CACNB2: variants seen among roughly 807,000 people sequenced by gnomAD.
The protein encoded by CACNB2 is calcium voltage-gated channel auxiliary subunit beta 2.
A neutral mutation model predicts 73.3 loss-of-function variants in CACNB2; 42 were observed. The ratio of observed to expected loss-of-function variants is 0.57; its 90% CI spans 0.45 to 0.74. The LOEUF is 0.74. Among genes scored for constraint, CACNB2 ranks in the 30% least tolerant of loss-of-function variants. The pLI is 0.00. For synonymous variants in CACNB2, 348 were observed against 310.3 expected (o/e 1.12, Z -1.28); for missense variants, 940 against 853.0 (o/e 1.10, Z -1.27).
chr10:18,233,030 A>C (rs2036282680), intron 2 of CACNB2, among the ~76,000 whole-genome samples: 1 of 152,192 alleles, frequency 6.6e-6, no homozygotes, highest in African/African-American at 2.4e-5. Flanking sequence ...GGCTGCAGTG[A>C]ACCATGATCG....
intron 2 of CACNB2, among the ~76,000 whole-genome samples, chr10:18,164,708 C>T (rs1457382736): frequency 3.3e-5 from 5 of 151,636 alleles, no homozygotes; most frequent in Admixed American, 1.3e-4. Flanking sequence ...TGTTTCAGCC[C>T]GGACATCTGT....
chr10:18,188,733 G>A (rs1302298992), intron 2 of CACNB2, among the ~76,000 whole-genome samples: 1 of 152,128 alleles, frequency 6.6e-6, no homozygotes, highest in Non-Finnish European at 1.5e-5. Context: ...TCTCGTTATA[G>A]CACATGGAAG....
intron 2 of CACNB2, among the ~76,000 whole-genome samples, chr10:18,170,857 A>C (rs2033172885): frequency 6.6e-6 from 1 of 152,244 alleles, no homozygotes; most frequent in African/African-American, 2.4e-5. Flanking sequence ...AAATTTAATA[A>C]CATGTTTGGG....
intron 3 of CACNB2, among the ~76,000 whole-genome samples, chr10:18,469,996 C>A (rs777978691): frequency 6.6e-6 from 1 of 152,052 alleles, no homozygotes; most frequent in Non-Finnish European, 1.5e-5. Flanking sequence ...TAATTATACT[C>A]ATATTTTTTC....
At chr10:18,462,950 G>T (rs1387040891) in intron 3 of CACNB2, among the ~76,000 whole-genome samples, 1 of 151,886 alleles carries the variant, frequency 6.6e-6, no homozygotes, top group African/African-American at 2.4e-5. Flanking sequence ...GTAGAGACGG[G>T]GTTTCACCAT....
intron 3 of CACNB2, among the ~76,000 whole-genome samples, chr10:18,485,541 A>G (rs1331858008): frequency 1.3e-5 from 2 of 149,718 alleles, no homozygotes; most frequent in East Asian, 2.0e-4. Context: ...TGTCTTTTCT[A>G]TAGTCCCTCT....
At chr10:18,473,450 C>T (rs984775053) in intron 3 of CACNB2, among the ~76,000 whole-genome samples, 4 of 152,172 alleles carry the variant, frequency 2.6e-5, no homozygotes, top group African/African-American at 7.2e-5. Context: ...AAATATGTTG[C>T]GCTTGCTCCT....
intron 2 of CACNB2, among the ~76,000 whole-genome samples, chr10:18,183,270 C>A (rs967569702): frequency 2.0e-5 from 3 of 152,194 alleles, no homozygotes; most frequent in African/African-American, 7.2e-5. Context: ...AGACAGCTAT[C>A]ATCAGGCTTT....
intron 3 of CACNB2, among the ~76,000 whole-genome samples, chr10:18,450,283 C>G (rs1252810436): frequency 3.9e-5 from 6 of 152,044 alleles, no homozygotes; most frequent in Non-Finnish European, 8.8e-5. Context: ...CGTTGTATGC[C>G]TACAGGCATG....
intron 5 of CACNB2, among the ~76,000 whole-genome samples, chr10:18,505,095 T>G (rs539107302): frequency 1.3e-5 from 2 of 152,302 alleles, no homozygotes; most frequent in South Asian, 4.1e-4. Context: ...TTTAATAGAA[T>G]TAAAAGTCAA....
intron 2 of CACNB2, among the ~76,000 whole-genome samples, chr10:18,384,829 G>T (rs1194817944): frequency 6.6e-6 from 1 of 151,674 alleles, no homozygotes; most frequent in Non-Finnish European, 1.5e-5. Context: ...ATTACAAGAG[G>T]TTACCCAGTG....
chr10:18,410,214 A>G (rs139095145), intron 3 of CACNB2, among the ~76,000 whole-genome samples: 2 of 152,144 alleles, frequency 1.3e-5, no homozygotes, highest in Non-Finnish European at 2.9e-5. Flanking sequence ...GTGCTTGTTC[A>G]TTGTGTTCTA....
At chr10:18,180,080 A>G (rs937060538) in intron 2 of CACNB2, among the ~76,000 whole-genome samples, 2 of 152,130 alleles carry the variant, frequency 1.3e-5, no homozygotes, top group East Asian at 1.9e-4. Flanking sequence ...GATTTAGCGT[A>G]TCAGCGTGTA....
At chr10:18,404,809 A>G (rs1028566768) in intron 3 of CACNB2, among the ~76,000 whole-genome samples, 1 of 152,224 alleles carries the variant, frequency 6.6e-6, no homozygotes, top group Non-Finnish European at 1.5e-5. Flanking sequence ...AAGGTTATAT[A>G]ACGAAGTACT....
At chr10:18,144,486 C>G (rs996501429) in intron 1 of CACNB2, among the ~76,000 whole-genome samples, 21 of 152,312 alleles carry the variant, frequency 1.4e-4, no homozygotes, top group African/African-American at 4.6e-4. Flanking sequence ...ACCTGTTGAA[C>G]AGTTTCAGCG....
chr10:18,302,486 G>A (rs547643855), intron 2 of CACNB2, among the ~76,000 whole-genome samples: 5 of 152,302 alleles, frequency 3.3e-5, no homozygotes, highest in South Asian at 2.1e-4. Flanking sequence ...GAAACTGTGC[G>A]ATATGTACGC....
intron 2 of CACNB2, among the ~76,000 whole-genome samples, chr10:18,389,728 G>A (rs1430385960): frequency 6.6e-6 from 1 of 152,288 alleles, no homozygotes; most frequent in South Asian, 2.1e-4. Context: ...AAAGGGTTGC[G>A]TGAAAGCCAA....
At chr10:18,357,062 A>T (rs1026123186) in intron 2 of CACNB2, among the ~76,000 whole-genome samples, 18 of 145,396 alleles carry the variant, frequency 1.2e-4, no homozygotes, top group Non-Finnish European at 2.5e-4. Flanking sequence ...CTCCTGCCTC[A>T]GCCTCCCGTG....
At position 18,150,877 on chromosome 10, in the gene CACNB2, T is replaced by TTTTTTTTTG; in HGVS notation, c.121-3_121-2insTTTTTGTTT. On this transcript the variant is annotated splice_polypyrimidine_tract_variant and splice_region_variant and intron_variant, in intron 1 of 13. Coordinates refer to ENST00000324631, the MANE Select transcript of CACNB2 (RefSeq NM_201596.3). Reference sequence around the variant, plus strand: ...TGTCTTTTTTTTTTTTTTTTTTTTTTTTTAGTCATATGGAAAAGGAGCCAG... The same window carrying TTTTTTTTTG: ...TGTCTTTTTTTTTTTTTTTTTTTTTTTTTTTTTTGTTTAGTCATATGGAAAAGGAGCCAG... The TTTTTTTTTG allele has an allele frequency of 7.4e-7, 1 of 1,342,614 alleles. No homozygotes were observed. The highest frequency in any genetic ancestry group is 2.4e-5 in the East Asian group (1 of 41,874). 83.2% of individuals were successfully genotyped at this position (1,342,614 alleles called of 1,614,324 possible). A position where few individuals can be genotyped will look rare whatever the true frequency, so the allele number is the denominator to read the frequency against.
Sources: allele counts gnomAD v4.1 joint callset (sites outside exome capture counted in the v4.1 genomes callset), GRCh38; gene constraint gnomAD v4.1.1; transcripts MANE v1.5; gene names NCBI Gene and HGNC (gene_info 2026-07-23, HGNC 2026-07-21).